Variants in RALYL observed in about 807,000 individuals in gnomAD.
RALYL encodes the protein RALY RNA binding protein like, also known as RNA-binding Raly-like protein.
Under a neutral mutation model 35.1 loss-of-function variants are expected in RALYL, and 29 were observed. The observed-to-expected ratio is 0.83, with a 90% CI of 0.61 to 1.13. The LOEUF (loss-of-function observed/expected upper bound fraction) is 1.13, where lower values mean the gene tolerates loss of function less well. Ranked by LOEUF, RALYL falls within the 50% of genes most tolerant of loss-of-function variation. RALYL has a pLI of 0.00. For synonymous variants in RALYL, 120 were observed against 127.6 expected, an observed-to-expected ratio of 0.94 and a Z score of 0.40; for missense variants, 359 against 360.4, an observed-to-expected ratio of 1.00 and a Z score of 0.03.
chr8:84,512,018 C>T (rs1230886171), intron 1 of RALYL, among the ~76,000 whole-genome samples: 3 of 152,064 alleles, frequency 2.0e-5, no homozygotes, highest in Non-Finnish European at 4.4e-5. Flanking sequence ...TACAGGTTCC[C>T]CTTTGATATG....
At chr8:84,544,591 C>T (rs1244529333) in intron 2 of RALYL, among the ~76,000 whole-genome samples, 2 of 151,976 alleles carry the variant, frequency 1.3e-5, no homozygotes, top group African/African-American at 4.8e-5. Flanking sequence ...CTTTTCTTAT[C>T]ATTAGTTACA....
chr8:84,775,457 G>A (rs1470751035), intron 3 of RALYL, among the ~76,000 whole-genome samples: 1 of 152,132 alleles, frequency 6.6e-6, no homozygotes, highest in Non-Finnish European at 1.5e-5. Context: ...CATGCCCTCT[G>A]TACCTTAAAT....
intron 8 of RALYL, among the ~76,000 whole-genome samples, chr8:84,906,381 T>C (rs1306422256): frequency 6.6e-6 from 1 of 152,092 alleles, no homozygotes; most frequent in African/African-American, 2.4e-5. Flanking sequence ...CAATGTTCAT[T>C]TGATAAATAC....
intron 1 of RALYL, among the ~76,000 whole-genome samples, chr8:84,260,074 T>C (rs1428321660): frequency 1.3e-5 from 2 of 152,112 alleles, no homozygotes; most frequent in African/African-American, 4.8e-5. Flanking sequence ...ACAAGAAGGA[T>C]TGCACTTACA....
intron 1 of RALYL, among the ~76,000 whole-genome samples, chr8:84,528,395 A>G (rs948117007): frequency 1.3e-5 from 2 of 152,136 alleles, no homozygotes; most frequent in African/African-American, 4.8e-5. Flanking sequence ...TCAAGGCCTT[A>G]AGAATAAATC....
At chr8:84,446,842 C>A (rs1245966674) in intron 1 of RALYL, among the ~76,000 whole-genome samples, 1 of 152,160 alleles carries the variant, frequency 6.6e-6, no homozygotes, top group South Asian at 2.1e-4. Flanking sequence ...ATTCTCAGTT[C>A]TGTTATCCAA....
intron 1 of RALYL, among the ~76,000 whole-genome samples, chr8:84,284,228 A>G (rs991492326): frequency 6.6e-6 from 1 of 151,100 alleles, no homozygotes; most frequent in African/African-American, 2.4e-5. Context: ...ACCCCAGATT[A>G]CAAGGTGTGA....
intron 2 of RALYL, among the ~76,000 whole-genome samples, chr8:84,650,035 T>C (rs1828389135): frequency 1.3e-5 from 2 of 152,092 alleles, no homozygotes; most frequent in African/African-American, 4.8e-5. Context: ...TTTATTCTCT[T>C]TGAAGCAATT....
At chr8:84,360,205 G>A (rs935947791) in intron 1 of RALYL, among the ~76,000 whole-genome samples, 1 of 152,148 alleles carries the variant, frequency 6.6e-6, no homozygotes, top group Non-Finnish European at 1.5e-5. Flanking sequence ...AGCACAAAGT[G>A]TTACTTGAGT....
rs995590560 is a variant in RALYL, at chr8:84,666,717, C to G, written c.257-107862C>G. Among the ~76,000 whole-genome samples the G allele has an allele frequency of 2.6e-5, 4 of 152,080 alleles. No homozygotes were observed. The South Asian group carries it at 8.3e-4, about 32-fold the overall frequency. On this transcript the variant is annotated intron_variant, in intron 2 of 8. Coordinates refer to ENST00000521268, the MANE Select transcript of RALYL (RefSeq NM_173848.7). ...ACCTTTATCTGAGATCAAATGAAAT[C>G]GTTTCTGTGCCACCTTTCTTCCACT...
At chr8:84,442,838 C>T (rs1041437363) in intron 1 of RALYL, among the ~76,000 whole-genome samples, 1 of 152,138 alleles carries the variant, frequency 6.6e-6, no homozygotes. Flanking sequence ...CGAGTGACAG[C>T]CAGCATCTTC....
chr8:84,258,846 T>TA (rs1225743210), intron 1 of RALYL, among the ~76,000 whole-genome samples: 1 of 152,186 alleles, frequency 6.6e-6, no homozygotes, highest in Non-Finnish European at 1.5e-5. Flanking sequence ...GGTCTAGAGA[T>TA]ACCTCCTCTG....
intron 1 of RALYL, among the ~76,000 whole-genome samples, chr8:84,256,470 T>C (rs1386180767): frequency 6.6e-6 from 1 of 152,068 alleles, no homozygotes; most frequent in Non-Finnish European, 1.5e-5. Context: ...AGACATAAAA[T>C]CATTTCTGAA....
chr8:84,266,735 C>T (rs975196298), intron 1 of RALYL, among the ~76,000 whole-genome samples: 3 of 151,960 alleles, frequency 2.0e-5, no homozygotes, highest in Non-Finnish European at 4.4e-5. Context: ...CCGAGGCGGG[C>T]GGATCACGAG....
chr8:84,392,249 A>G (rs1430816417), intron 1 of RALYL, among the ~76,000 whole-genome samples: 1 of 152,044 alleles, frequency 6.6e-6, no homozygotes, highest in Admixed American at 6.6e-5. Flanking sequence ...GCTCAAAGGA[A>G]AAAAAATCTG....
chr8:84,652,198 A>G (rs923421663), intron 2 of RALYL, among the ~76,000 whole-genome samples: 4 of 152,106 alleles, frequency 2.6e-5, no homozygotes, highest in African/African-American at 9.7e-5. Context: ...TCTTCCAAAG[A>G]AACTTTTGTT....
chr8:84,624,783 G>A (rs984623696), intron 2 of RALYL, among the ~76,000 whole-genome samples: 4 of 152,082 alleles, frequency 2.6e-5, no homozygotes, highest in Admixed American at 1.3e-4. Flanking sequence ...TTACCCTATC[G>A]AATTGTGAAA....
At chr8:84,569,456 T>C (rs1807374346) in intron 2 of RALYL, among the ~76,000 whole-genome samples, 1 of 151,950 alleles carries the variant, frequency 6.6e-6, no homozygotes, top group South Asian at 2.1e-4. Flanking sequence ...GTTGATGTGT[T>C]GAGTTTTTTG....
chr8:84,271,981 C>T (rs1192108657), intron 1 of RALYL, among the ~76,000 whole-genome samples: 13 of 151,960 alleles, frequency 8.6e-5, no homozygotes, highest in Admixed American at 5.9e-4. Context: ...AGTAAATTAC[C>T]TTAGTAGAGC....
Sources: allele counts gnomAD v4.1 joint callset (sites outside exome capture counted in the v4.1 genomes callset), GRCh38; gene constraint gnomAD v4.1.1; transcripts MANE v1.5; gene names NCBI Gene and HGNC (gene_info 2026-07-23, HGNC 2026-07-21).